DGKI: variants seen among roughly 807,000 people sequenced by gnomAD.
DGKI encodes the protein diacylglycerol kinase iota.
DGKI carries 55 observed loss-of-function variants against 147.5 expected under a neutral mutation model. The observed-to-expected ratio is 0.37, with a 90% CI of 0.30 to 0.47. The LOEUF (loss-of-function observed/expected upper bound fraction) is 0.47. Ranked by LOEUF, DGKI falls within the 20% of genes least tolerant of loss-of-function variation. The pLI is 1.00. For synonymous variants in DGKI, 469 were observed against 477.1 expected (o/e 0.98, Z 0.22); for missense variants, 1,007 against 1,323.8 (o/e 0.76, Z 3.71).
chr7:137,554,421 G>A (rs1462184694), intron 19 of DGKI, among the ~76,000 whole-genome samples: 2 of 152,120 alleles, frequency 1.3e-5, no homozygotes, highest in Admixed American at 1.3e-4. Flanking sequence ...ATTTAACCTA[G>A]CATGTGTTAG....
chr7:137,660,473 G>A (rs1822385045), intron 3 of DGKI, among the ~76,000 whole-genome samples: 2 of 152,178 alleles, frequency 1.3e-5, no homozygotes, highest in Admixed American at 6.5e-5. Context: ...AGTAGTGACA[G>A]CTCTCCACCA....
chr7:137,545,762 G>A, intron 20 of DGKI: 1 of 506,690 alleles, frequency 2.0e-6, no homozygotes, highest in Non-Finnish European at 3.5e-6. Context: ...AAATCAAAGA[G>A]GGCAACAGAA....
intron 30 of DGKI, among the ~76,000 whole-genome samples, chr7:137,402,850 A>G (rs1811811125): frequency 6.6e-6 from 1 of 152,174 alleles, no homozygotes; most frequent in Admixed American, 6.5e-5. Flanking sequence ...CAGAGGCAGA[A>G]AAAGGGGGGT....
At chr7:137,573,445 C>T (rs1818860368) in intron 17 of DGKI, among the ~76,000 whole-genome samples, 1 of 152,204 alleles carries the variant, frequency 6.6e-6, no homozygotes, top group South Asian at 2.1e-4. Flanking sequence ...TACAGACTCA[C>T]CCAGGCCGAA....
intron 1 of DGKI, among the ~76,000 whole-genome samples, chr7:137,755,291 T>C (rs990694132): frequency 1.3e-5 from 2 of 152,158 alleles, no homozygotes; most frequent in Admixed American, 6.5e-5. Flanking sequence ...ACATGTCCCA[T>C]GAAGAGTTCC....
intron 1 of DGKI, among the ~76,000 whole-genome samples, chr7:137,694,154 T>C (rs1823705310): frequency 6.6e-6 from 1 of 151,942 alleles, no homozygotes; most frequent in African/African-American, 2.4e-5. Flanking sequence ...ACCCCATCTC[T>C]ACTAAAAATA....
chr7:137,438,279 C>A (rs1563019267), intron 28 of DGKI, among the ~76,000 whole-genome samples: 1 of 151,986 alleles, frequency 6.6e-6, no homozygotes, highest in Non-Finnish European at 1.5e-5. Context: ...AATAAAAAGA[C>A]CTTTCATAGA....
At chr7:137,545,655 G>C (rs1047358981) in intron 20 of DGKI, among the ~76,000 whole-genome samples, 2 of 152,114 alleles carry the variant, frequency 1.3e-5, no homozygotes, top group African/African-American at 4.8e-5. Context: ...TACAACCCCA[G>C]GCAACCATGG....
chr7:137,760,547 GTTTC>G (rs963910455), intron 1 of DGKI, among the ~76,000 whole-genome samples: 4 of 152,080 alleles, frequency 2.6e-5, no homozygotes, highest in South Asian at 4.1e-4. Context: ...TATCGGGAGG[GTTTC>G]TTTTCTGTTC....
intron 1 of DGKI, among the ~76,000 whole-genome samples, chr7:137,816,905 G>C (rs1389263454): frequency 1.3e-5 from 2 of 152,160 alleles, no homozygotes; most frequent in Admixed American, 6.5e-5. Flanking sequence ...TTTGTTGTGA[G>C]GGGCCATCCT....
chr7:137,691,193 G>T (rs1823591569), intron 1 of DGKI, among the ~76,000 whole-genome samples: 1 of 152,226 alleles, frequency 6.6e-6, no homozygotes, highest in Admixed American at 6.5e-5. Context: ...CTTAGACTTT[G>T]CTCTGTGGGA....
chr7:137,833,253 AC>A (rs138298414), intron 1 of DGKI, among the ~76,000 whole-genome samples: 8,017 of 152,222 alleles, frequency 0.053, 239 homozygotes, highest in African/African-American at 0.078. Flanking sequence ...GCTGGTAAAG[AC>A]ATACCCGAGA....
intron 1 of DGKI, among the ~76,000 whole-genome samples, chr7:137,706,202 T>C (rs1585391816): frequency 6.6e-6 from 1 of 152,100 alleles, no homozygotes; most frequent in East Asian, 1.9e-4. Context: ...GGTTTGTTTA[T>C]ACCACAATTT....
intron 1 of DGKI, among the ~76,000 whole-genome samples, chr7:137,826,497 G>T (rs1380474629): frequency 6.6e-6 from 1 of 152,140 alleles, no homozygotes; most frequent in African/African-American, 2.4e-5. Context: ...CTATTAACTG[G>T]TCCAGCCAAT....
intron 20 of DGKI, among the ~76,000 whole-genome samples, chr7:137,550,654 C>A (rs909048233): frequency 6.6e-6 from 1 of 152,082 alleles, no homozygotes; most frequent in Non-Finnish European, 1.5e-5. Flanking sequence ...TGAGCAAATA[C>A]GAATTCTCAA....
rs555852056 is a variant in DGKI, at chr7:137,759,348, T to C, written c.402-69346A>G. Among the ~76,000 whole-genome samples, 15 of 151,650 alleles carry C rather than the reference T, an allele frequency of 9.9e-5. 1 individual carries two copies. Among genetic ancestry groups the C allele is most frequent in the African/African-American group, 3.6e-4 (15 of 41,126 alleles). ...TGCTCTACATTCTTTTTTTTTTTTC[T>C]TTATTTTTTTGAGATGAAGTCTCAC... On this transcript the variant is annotated intron_variant, in intron 1 of 32. Coordinates refer to ENST00000614521, the MANE Select transcript of DGKI (RefSeq NM_001321708.2).
At chr7:137,800,530 C>G (rs1434589365) in intron 1 of DGKI, among the ~76,000 whole-genome samples, 1 of 152,148 alleles carries the variant, frequency 6.6e-6, no homozygotes, top group Non-Finnish European at 1.5e-5. Context: ...TTCCTCAGGC[C>G]TCACCAGAAG....
chr7:137,617,391 T>C (rs915155079), intron 8 of DGKI, among the ~76,000 whole-genome samples: 13 of 152,054 alleles, frequency 8.5e-5, no homozygotes, highest in Admixed American at 2.6e-4. Flanking sequence ...TTGTGAACTT[T>C]GGATCCTGAC....
intron 28 of DGKI, among the ~76,000 whole-genome samples, chr7:137,419,064 G>A (rs1478147279): frequency 6.6e-6 from 1 of 152,146 alleles, no homozygotes; most frequent in East Asian, 1.9e-4. Context: ...AGAGACAAAG[G>A]ACTCTTGTTT....
Sources: allele counts gnomAD v4.1 joint callset (sites outside exome capture counted in the v4.1 genomes callset), GRCh38; gene constraint gnomAD v4.1.1; transcripts MANE v1.5; gene names NCBI Gene and HGNC (gene_info 2026-07-23, HGNC 2026-07-21).